Variants in IFNG observed in about 807,000 individuals in gnomAD.
The protein encoded by IFNG is IFN-gamma.
Under a neutral mutation model 14.4 loss-of-function variants are expected in IFNG, and 8 were observed. That is an observed-to-expected ratio of 0.56 (90% CI 0.33 to 1.00). IFNG has a LOEUF of 1.00. Ranked by LOEUF, IFNG falls within the 50% of genes least tolerant of loss-of-function variation. The pLI is 0.03. For synonymous variants in IFNG, 73 were observed against 65.4 expected, an observed-to-expected ratio of 1.12 and a Z score of -0.56; for missense variants, 132 against 194.9, an observed-to-expected ratio of 0.68 and a Z score of 1.92.
chr12:68,159,678 G>A lies in IFNG; in HGVS notation c.-63C>T. Reference sequence around the variant, plus strand: ...GTAGTTCTTGTATCAAGCTGATCAGGTCCAAAGGACTTAACTGATCTTTCT... The same window carrying A: ...GTAGTTCTTGTATCAAGCTGATCAGATCCAAAGGACTTAACTGATCTTTCT... On this transcript the variant is annotated 5_prime_UTR_variant, in exon 1 of 4. Coordinates refer to ENST00000229135, the MANE Select transcript of IFNG (RefSeq NM_000619.3). 1 of 799,626 alleles carries A rather than the reference G, an allele frequency of 1.3e-6. No homozygotes were observed. Among genetic ancestry groups the A allele is most frequent in the Non-Finnish European group, 2.1e-6 (1 of 469,200 alleles). 49.5% of individuals were successfully genotyped at this position (799,626 alleles called of 1,614,324 possible). A position where few individuals can be genotyped will look rare whatever the true frequency, so the allele number is the denominator to read the frequency against.
chr12:68,157,285 G>T lies in IFNG; in HGVS notation c.366+628C>A, dbSNP rs1000425314. Among the ~76,000 whole-genome samples, 12 of 152,294 alleles carry T rather than the reference G, an allele frequency of 7.9e-5. 1 individual carries two copies. The highest frequency in any genetic ancestry group is 1.5e-4 in the Non-Finnish European group (10 of 68,022). ...TTGGGCAGTACAATCTGATAGGTTG[G>T]CTAGAGACTTGCAGTGGGGTGTCCC... On this transcript the variant is annotated intron_variant, in intron 3 of 3. Coordinates refer to ENST00000229135, the MANE Select transcript of IFNG (RefSeq NM_000619.3).
chr12:68,155,428 T>C lies in IFNG; in HGVS notation c.426A>G (p.Glu142=), dbSNP rs765324466. ...TCCCTGTTTTAGCTGCTGGCGACAG[T>C]TCAGCCATCACTTGGATGAGTTCAT... ...AIHELIQVMA[E]LSPAAKTGKR... Residue 142 remains glutamate, a synonymous_variant, in exon 4 of 4, where the codon GAA becomes GAG. Coordinates refer to ENST00000229135, the MANE Select transcript of IFNG (RefSeq NM_000619.3). 1 of 1,612,520 alleles carries C rather than the reference T, an allele frequency of 6.2e-7. No homozygotes were observed. The highest frequency in any genetic ancestry group is 1.7e-5 in the Admixed American group (1 of 59,806).
rs1041955579 is a variant in IFNG at position 68,158,270 on chromosome 12, A to G, written c.115-11T>C. 9 of 1,578,306 alleles carry G rather than the reference A, an allele frequency of 5.7e-6. No homozygotes were observed. The highest frequency in any genetic ancestry group is 2.8e-5 in the African/African-American group (2 of 72,634). ...TGAATGACCTGCATTCTAAAAAAAA[A>G]AAAAGAAAAAATTGGTTTACAATTA... is the stretch of plus-strand genomic sequence containing the variant. On this transcript the variant is annotated splice_polypyrimidine_tract_variant and intron_variant, in intron 1 of 3. Transcript: ENST00000229135.
intron 3 of IFNG, among the ~76,000 whole-genome samples, chr12:68,157,175 G>T (rs1353357063): frequency 6.6e-6 from 1 of 152,178 alleles, no homozygotes; most frequent in South Asian, 2.1e-4. Flanking sequence ...TTGATAGAGA[G>T]TTGATAGAAC....
chr12:68,159,516 G>T lies in IFNG; in HGVS notation c.100C>A (p.Leu34Ile), dbSNP rs2120750958. 1.3e-6 allele frequency: 2 copies of T among 1,569,132 alleles called. No individual in the cohort carries two copies. The highest frequency in any genetic ancestry group is 1.7e-6 in the Non-Finnish European group (2 of 1,144,236). ...QDPYVKEAEN[L>I]KKYFNAGHSD... ...GTCATACTTACAAAATATTTCTTAA[G>T]GTTTTCTGCTTCTTTTACATATGGG... Residue 34 changes from leucine to isoleucine, a missense_variant, in exon 1 of 4, where the codon CTT becomes ATT. Coordinates refer to ENST00000229135, the MANE Select transcript of IFNG (RefSeq NM_000619.3).
chr12:68,159,669 G>T lies in IFNG; in HGVS notation c.-54C>A. ...TTGAAATCAGTAGTTCTTGTATCAAGCTGATCAGGTCCAAAGGACTTAACT... is the reference window on the plus strand; with the variant it reads ...TTGAAATCAGTAGTTCTTGTATCAATCTGATCAGGTCCAAAGGACTTAACT... On this transcript the variant is annotated 5_prime_UTR_variant, in exon 1 of 4. Transcript: ENST00000229135. 1.1e-6 allele frequency: 1 copy of T among 891,770 alleles called. No individual in the cohort carries two copies. Among genetic ancestry groups the T allele is most frequent in the Non-Finnish European group, 1.8e-6 (1 of 543,688 alleles). The allele number at this position is 891,770 out of a possible 1,614,324, so 55.2% of individuals were successfully genotyped here.
In IFNG at chr12:68,159,571, A is replaced by G; in HGVS notation, c.45T>C (p.Val15=). The change falls in exon 1 of 4, where the codon GTT becomes GTC. Residue 15 remains valine (V), a synonymous_variant. Coordinates refer to ENST00000229135, the MANE Select transcript of IFNG (RefSeq NM_000619.3). ...GGCAGTAACAGCCAAGAGAACCCAA[A>G]ACGATGCAGAGCTGAAAAGCCAAGA... ...SYILAFQLCI[V]LGSLGCYCQD... 1 of 1,606,552 alleles carries G rather than the reference A, an allele frequency of 6.2e-7. No individual in the cohort carries two copies. Among genetic ancestry groups the G allele is most frequent in the South Asian group, 1.1e-5 (1 of 90,300 alleles).
chr12:68,158,268 A>G lies in IFNG; in HGVS notation c.115-9T>C, dbSNP rs2120747066. ...TCTGAATGACCTGCATTCTAAAAAA[A>G]AAAAAAGAAAAAATTGGTTTACAAT... On this transcript the variant is annotated splice_polypyrimidine_tract_variant and intron_variant, in intron 1 of 3. Transcript: ENST00000229135. 2 of 1,576,460 alleles carry G rather than the reference A, an allele frequency of 1.3e-6. No individual in the cohort carries two copies. Among genetic ancestry groups the G allele is most frequent in the Non-Finnish European group, 8.6e-7 (1 of 1,167,478 alleles).
chr12:68,155,530 G>A, intron 3 of IFNG, 43 bp from the exon 4 acceptor site: 1 of 1,557,112 alleles, frequency 6.4e-7, no homozygotes, highest in South Asian at 1.2e-5. Flanking sequence ...AGGCATATAA[G>A]CCATCAGGAT....
At position 68,155,157 on chromosome 12, in the gene IFNG, A is replaced by C; in HGVS notation, c.*196T>G. On this transcript the variant is annotated 3_prime_UTR_variant, in exon 4 of 4. Transcript: ENST00000229135. The stretch of plus-strand genomic sequence containing the variant: ...CTAATTAGTCAGAAAACAAAGGATT[A>C]AGTGAGACAGTCACAGGATATAGGA... 1 of 366,786 alleles carries C rather than the reference A, an allele frequency of 2.7e-6. No individual in the cohort carries two copies. The highest frequency in any genetic ancestry group is 4.4e-5 in the Admixed American group (1 of 22,720). 22.7% of individuals were successfully genotyped at this position (366,786 alleles called of 1,614,324 possible). A position where few individuals can be genotyped will look rare whatever the true frequency, so the allele number is the denominator to read the frequency against.
Position 68,157,919 on chromosome 12 carries a change from A to T in IFNG, c.360T>A (p.Asn120Lys). 6.3e-7 allele frequency: 1 copy of T among 1,593,096 alleles called. No individual in the cohort carries two copies. The highest frequency in any genetic ancestry group is 8.6e-7 in the Non-Finnish European group (1 of 1,168,638). ...AGAATTTAAATAGCCTCACCGAATA[A>T]TTAGTCAGCTTTTCGAAGTCATCTC... ...KKRDDFEKLTNYSVTDLNVQR... is the reference protein window; with the variant it reads ...KKRDDFEKLTKYSVTDLNVQR... Residue 120 changes from asparagine (N) to lysine (K), a missense_variant, in exon 3 of 4, where the codon AAT (asparagine) becomes AAA (lysine). By Grantham distance (94) the Asn-to-Lys change is moderately conservative. Coordinates refer to ENST00000229135, the MANE Select transcript of IFNG (RefSeq NM_000619.3).
chr12:68,156,071 C>T (rs55719456), intron 3 of IFNG, among the ~76,000 whole-genome samples: 1 of 152,140 alleles, frequency 6.6e-6, no homozygotes, highest in Non-Finnish European at 1.5e-5. Flanking sequence ...ACTAAGCTCC[C>T]CAGGTGATTC....
Position 68,159,671 on chromosome 12 carries a change from T to C in IFNG, c.-56A>G. The C allele has an allele frequency of 1.1e-6, 1 of 876,642 alleles. No homozygotes were observed. The highest frequency in any genetic ancestry group is 1.9e-6 in the Non-Finnish European group (1 of 531,102). 54.3% of individuals were successfully genotyped at this position (876,642 alleles called of 1,614,324 possible). On this transcript the variant is annotated 5_prime_UTR_variant, in exon 1 of 4. Transcript: ENST00000229135. ...GAAATCAGTAGTTCTTGTATCAAGC[T>C]GATCAGGTCCAAAGGACTTAACTGA...
At chr12:68,156,230 C>T (rs986854422) in intron 3 of IFNG, among the ~76,000 whole-genome samples, 29 of 152,228 alleles carry the variant, frequency 1.9e-4, no homozygotes, top group Admixed American at 1.8e-3. Flanking sequence ...ATAAACACCC[C>T]CAATCATATT....
chr12:68,155,853 C>A (rs1882592595), intron 3 of IFNG, among the ~76,000 whole-genome samples: 1 of 152,184 alleles, frequency 6.6e-6, no homozygotes. Flanking sequence ...ATTTTCTCAT[C>A]TAAAGGAGGA....
chr12:68,155,360 G>A lies in IFNG; in HGVS notation c.494C>T (p.Ser165Phe), dbSNP rs1882584262. The change falls in exon 4 of 4, where the codon TCC becomes TTC. Residue 165 changes from serine to phenylalanine, a missense_variant. By Grantham distance (155) the Ser-to-Phe change is radical (BLOSUM62 -2). Coordinates refer to ENST00000229135, the MANE Select transcript of IFNG (RefSeq NM_000619.3). ...TTGCAGGCAGGACAACCATTACTGG[G>A]ATGCTCTTCGACCTCGAAACAGCAT... ...SQMLFRGRRA[S>F]Q 1 of 1,606,048 alleles carries A rather than the reference G, an allele frequency of 6.2e-7. No individual in the cohort carries two copies. The highest frequency in any genetic ancestry group is 8.5e-7 in the Non-Finnish European group (1 of 1,175,656).
chr12:68,155,465 C>T lies in IFNG; in HGVS notation c.389G>A (p.Arg130His), dbSNP rs2120739027. Residue 130 changes from arginine to histidine, a missense_variant, in exon 4 of 4, where the codon CGC (arginine) becomes CAC (histidine). By Grantham distance (29) the Arg-to-His change is conservative. Transcript: ENST00000229135. ...TTGGATGAGTTCATGTATTGCTTTG[C>T]GTTGGACATTCAAGTCAGTTACCTA... ...NYSVTDLNVQ[R>H]KAIHELIQVM... 3.1e-6 allele frequency: 5 copies of T among 1,606,292 alleles called. No homozygotes were observed. Among genetic ancestry groups the T allele is most frequent in the Non-Finnish European group, 4.3e-6 (5 of 1,176,358 alleles).
intron 1 of IFNG, among the ~76,000 whole-genome samples, 196 bp downstream of exon 1, chr12:68,159,306 A>G (rs531368926): frequency 6.6e-6 from 1 of 152,304 alleles, no homozygotes; most frequent in East Asian, 1.9e-4. Flanking sequence ...TTAAGTCTCT[A>G]TACAAACTGA....
chr12:68,158,167 G>A (rs1882630000), intron 2 of IFNG, 24 bp downstream of exon 2: 2 of 1,599,214 alleles, frequency 1.3e-6, no homozygotes, highest in Admixed American at 1.7e-5. Context: ...AGGAAAATTA[G>A]CCAAATGGGA....
Sources: gnomAD v4.1 joint callset for allele counts (sites outside exome capture counted in the v4.1 genomes callset) on GRCh38, gnomAD v4.1.1 for gene constraint, MANE v1.5 for transcripts, NCBI Gene and HGNC (gene_info 2026-07-23, HGNC 2026-07-21) for gene names.